The following AGBL1 variants were observed in gnomAD, a reference collection of about 807,000 sequenced individuals.
AGBL1 encodes AGBL carboxypeptidase 1, also known as cytosolic carboxypeptidase 4.
Under a neutral mutation model 118.9 loss-of-function variants are expected in AGBL1, and 130 were observed. That is an observed-to-expected ratio of 1.09 (90% CI 0.95 to 1.26). The LOEUF (loss-of-function observed/expected upper bound fraction) is 1.26, where lower values mean the gene tolerates loss of function less well. AGBL1 is among the 50% of genes most tolerant of loss of function. The pLI, the probability that AGBL1 is intolerant of heterozygous loss-of-function variation, is 0.00. For missense variants in AGBL1, 1,584 were observed against 1,298.1 expected (o/e 1.22, Z -3.38); for synonymous variants, 555 against 478.9 (o/e 1.16, Z -2.08).
intron 23 of AGBL1, among the ~76,000 whole-genome samples, chr15:86,939,423 G>T (rs1267871783): frequency 6.6e-6 from 1 of 152,122 alleles, no homozygotes; most frequent in African/African-American, 2.4e-5. Context: ...TTTCCCAGGG[G>T]CCCTCAGGCC....
At chr15:86,629,921 T>C (rs2084939439) in intron 21 of AGBL1, among the ~76,000 whole-genome samples, 1 of 152,252 alleles carries the variant, frequency 6.6e-6, no homozygotes, top group Non-Finnish European at 1.5e-5. Context: ...GTTATAACTC[T>C]CCTTAGTAGA....
chr15:86,402,162 C>T (rs554090492), intron 18 of AGBL1, among the ~76,000 whole-genome samples: 1 of 151,358 alleles, frequency 6.6e-6, no homozygotes, highest in Non-Finnish European at 1.5e-5. Context: ...AGATATTTTA[C>T]CTCCTTGGTT....
At position 86,262,022 on chromosome 15, in the gene AGBL1, C is replaced by A. The variant is rs2078994696; in HGVS notation, c.970-756C>A. ...GCAACAGCCACCTTCTTTCTGTAAG[C>A]AAATTGAAGCTTTTCCTTCTGCTAA... On this transcript the variant is annotated intron_variant, in intron 9 of 22. Transcript: ENST00000614907. 5.6e-5 allele frequency among the ~76,000 whole-genome samples: 8 copies of A among 143,686 alleles called. No homozygotes were observed. In the Admixed American group the frequency reaches 5.8e-4, roughly 10 times the overall value. The allele number at this position is 143,686 out of a possible 152,430, so 94.3% of individuals were successfully genotyped here. A position where few individuals can be genotyped will look rare whatever the true frequency, so the allele number is the denominator to read the frequency against.
chr15:86,583,779 G>A (rs1309774757), intron 21 of AGBL1, among the ~76,000 whole-genome samples: 1 of 152,070 alleles, frequency 6.6e-6, no homozygotes, highest in Non-Finnish European at 1.5e-5. Flanking sequence ...GCTTTCCCTA[G>A]TGGCTGAACT....
intron 21 of AGBL1, among the ~76,000 whole-genome samples, chr15:86,580,787 G>A (rs2084162826): frequency 6.6e-6 from 1 of 152,042 alleles, no homozygotes; most frequent in East Asian, 1.9e-4. Flanking sequence ...ATAGTGCTAT[G>A]GAACACTAGA....
chr15:86,702,514 T>C (rs2086377982), intron 22 of AGBL1, among the ~76,000 whole-genome samples: 1 of 152,106 alleles, frequency 6.6e-6, no homozygotes, highest in Admixed American at 6.5e-5. Context: ...TTCAAAATTA[T>C]ACTTGACTCC....
intron 5 of AGBL1, among the ~76,000 whole-genome samples, chr15:86,171,285 T>C (rs755170934): frequency 8.5e-5 from 13 of 152,302 alleles, no homozygotes; most frequent in African/African-American, 1.7e-4. Flanking sequence ...TAGCTAAGTA[T>C]TTAAATAAAG....
At chr15:86,100,461 A>G (rs1242741803) in intron 1 of AGBL1, among the ~76,000 whole-genome samples, 1 of 151,906 alleles carries the variant, frequency 6.6e-6, no homozygotes, top group African/African-American at 2.4e-5. Flanking sequence ...TTTTTCTTTG[A>G]TGGGAGAAAG....
At chr15:87,013,919 C>T (rs1479606215) in intron 24 of AGBL1, among the ~76,000 whole-genome samples, 1 of 152,254 alleles carries the variant, frequency 6.6e-6, no homozygotes, top group South Asian at 2.1e-4. Context: ...AGGAGCTACC[C>T]TTTCCTAGCT....
intron 21 of AGBL1, among the ~76,000 whole-genome samples, chr15:86,612,436 T>A (rs1596309298): frequency 3.6e-5 from 1 of 27,972 alleles, no homozygotes; most frequent in African/African-American, 1.5e-4. Flanking sequence ...CATGATGGGG[T>A]CGGGGGAGGG....
At chr15:86,466,817 C>T (rs1446548391) in intron 18 of AGBL1, among the ~76,000 whole-genome samples, 1 of 152,182 alleles carries the variant, frequency 6.6e-6, no homozygotes, top group African/African-American at 2.4e-5. Context: ...TGGGTATCAG[C>T]AGTGGAGGCT....
chr15:86,295,402 C>A lies in AGBL1; in HGVS notation c.2368C>A (p.Gln790Lys), dbSNP rs1406480483. 6.4e-7 allele frequency: 1 copy of A among 1,565,992 alleles called. No individual in the cohort carries two copies. Among genetic ancestry groups the A allele is most frequent in the Non-Finnish European group, 8.6e-7 (1 of 1,158,628 alleles). Residue 790 changes from glutamine (Q) to lysine (K), a missense_variant, in exon 17 of 23, where the codon CAG (glutamine) becomes AAG (lysine). Transcript: ENST00000614907. The stretch of plus-strand genomic sequence containing the variant: ...GTCCAACAGTGATGAGCATCTAGAG[C>A]AGTTCCGTGAGTAAAATGGGATCCT... The part of the protein sequence containing the change: ...PESNSDEHLE[Q>K]FRHRPYQVIT...
At chr15:86,349,692 T>G (rs1449603387) in intron 17 of AGBL1, among the ~76,000 whole-genome samples, 2 of 152,216 alleles carry the variant, frequency 1.3e-5, no homozygotes, top group Non-Finnish European at 2.9e-5. Flanking sequence ...TAGAGCATAT[T>G]CTGAGGTCTT....
intron 22 of AGBL1, among the ~76,000 whole-genome samples, chr15:86,727,530 C>G (rs1049552982): frequency 1.3e-5 from 2 of 151,998 alleles, no homozygotes; most frequent in African/African-American, 4.8e-5. Context: ...TAGTTCTTCC[C>G]CAAGAACTTG....
chr15:86,138,538 G>A (rs780078090), intron 1 of AGBL1, among the ~76,000 whole-genome samples: 14 of 152,192 alleles, frequency 9.2e-5, no homozygotes, highest in Non-Finnish European at 1.8e-4. Context: ...TCAGTGCCCA[G>A]CTTGGTGGCT....
chr15:86,968,806 T>C (rs919381475), intron 23 of AGBL1, among the ~76,000 whole-genome samples: 1 of 151,892 alleles, frequency 6.6e-6, no homozygotes, highest in Non-Finnish European at 1.5e-5. Context: ...ACAATCAGGA[T>C]ACCAGGAGAT....
intron 17 of AGBL1, among the ~76,000 whole-genome samples, chr15:86,374,819 T>A (rs528576250): frequency 3.4e-4 from 51 of 152,220 alleles, no homozygotes; most frequent in Non-Finnish European, 6.3e-4. Context: ...TTAGGACGTT[T>A]TTTCCATATT....
At chr15:86,295,210 T>C in intron 16 of AGBL1, 45 bp from the exon 17 acceptor site, 4 of 1,596,538 alleles carry the variant, frequency 2.5e-6, no homozygotes, top group Non-Finnish European at 2.6e-6. Context: ...ATTGTTGTTA[T>C]AAAAAATGTT....
chr15:86,411,324 G>A (rs981659051), intron 18 of AGBL1, among the ~76,000 whole-genome samples: 1 of 152,028 alleles, frequency 6.6e-6, no homozygotes, highest in African/African-American at 2.4e-5. Flanking sequence ...CAGTTTCCTA[G>A]AAAAGTGCAC....
Sources: allele counts gnomAD v4.1 joint callset (sites outside exome capture counted in the v4.1 genomes callset), GRCh38; gene constraint gnomAD v4.1.1; transcripts MANE v1.5; gene names NCBI Gene and HGNC (gene_info 2026-07-23, HGNC 2026-07-21).